The following B3GNT4 variants were observed in gnomAD, a reference collection of about 807,000 sequenced individuals.
B3GNT4 encodes the protein UDP-GlcNAc:betaGal beta-1,3-N-acetylglucosaminyltransferase 4.
B3GNT4 carries 2 observed loss-of-function variants against 2.7 expected under a neutral mutation model. The ratio of observed to expected loss-of-function variants is 0.73; its 90% CI spans 0.30 to 2.31. B3GNT4 has a LOEUF of 2.31. B3GNT4 is among the 30% of genes most tolerant of loss of function. The pLI, the probability that B3GNT4 is intolerant of heterozygous loss-of-function variation, is 0.12. For synonymous variants in B3GNT4, 280 were observed against 203.4 expected, an observed-to-expected ratio of 1.38 and a Z score of -3.20; for missense variants, 708 against 490.9, an observed-to-expected ratio of 1.44 and a Z score of -4.18.
Position 122,208,395 on chromosome 12 carries a change from G to A in B3GNT4, c.*1007G>A, listed in dbSNP as rs766996092. The stretch of plus-strand genomic sequence containing the variant: ...TGCTCAGGCCCTCAATCCTCACGCA[G>A]GTAGGCCTCCTGCTCCGACTCAGCC... On this transcript the variant is annotated 3_prime_UTR_variant, in exon 3 of 3. Transcript: ENST00000324189. The A allele has an allele frequency of 6.2e-7, 1 of 1,612,554 alleles. No homozygotes were observed. The highest frequency in any genetic ancestry group is 8.5e-7 in the Non-Finnish European group (1 of 1,180,006).
chr12:122,207,522 A>G lies in B3GNT4; in HGVS notation c.*134A>G. 2.4e-6 allele frequency: 2 copies of G among 827,140 alleles called. No individual in the cohort carries two copies. The highest frequency in any genetic ancestry group is 1.8e-6 in the Non-Finnish European group (1 of 544,354). The allele number at this position is 827,140 out of a possible 1,614,324, so 51.2% of individuals were successfully genotyped here. A position where few individuals can be genotyped will look rare whatever the true frequency, so the allele number is the denominator to read the frequency against. ...CCTCTCACCCTGTTAGCTCTGATTAAAAACACTGCAACCCAGCTAACTTGT... is the reference window on the plus strand; with the variant it reads ...CCTCTCACCCTGTTAGCTCTGATTAGAAACACTGCAACCCAGCTAACTTGT... On this transcript the variant is annotated 3_prime_UTR_variant, in exon 3 of 3. Coordinates refer to ENST00000324189, the MANE Select transcript of B3GNT4 (RefSeq NM_030765.4).
At position 122,206,788 on chromosome 12, in the gene B3GNT4, T is replaced by C. The variant is rs1257297087; in HGVS notation, c.537T>C (p.Asp179=). 6.2e-7 allele frequency: 1 copy of C among 1,608,710 alleles called. No homozygotes were observed. Among genetic ancestry groups the C allele is most frequent in the South Asian group, 1.1e-5 (1 of 90,450 alleles). Residue 179 remains aspartate, a synonymous_variant, in exon 3 of 3, where the codon GAT becomes GAC. Coordinates refer to ENST00000324189, the MANE Select transcript of B3GNT4 (RefSeq NM_030765.4). ...TGGCCTATGAGAGTAGGGAGTTTGA[T>C]GACATCCTCCAGTGGGACTTCACTG... is the stretch of plus-strand genomic sequence containing the variant. ...QLLAYESREF[D]DILQWDFTED...
rs1000342979 is a variant in B3GNT4, at chr12:122,203,752, C to T, written c.-147C>T. On this transcript the variant is annotated 5_prime_UTR_variant, in exon 1 of 3. Transcript: ENST00000324189. Reference sequence around the variant, plus strand: ...CTCCGCGCACCTGGGCGCCATCCGCCCTGGCTCCGCTGCACGAGCTCCACG... The same window carrying T: ...CTCCGCGCACCTGGGCGCCATCCGCTCTGGCTCCGCTGCACGAGCTCCACG... 1.4e-4 allele frequency: 33 copies of T among 238,402 alleles called. No homozygotes were observed. Among genetic ancestry groups the T allele is most frequent in the Admixed American group, 4.6e-4 (8 of 17,450 alleles). The allele number at this position is 238,402 out of a possible 1,614,324, so 14.8% of individuals were successfully genotyped here.
At position 122,204,680 on chromosome 12, in the gene B3GNT4, C is replaced by T; in HGVS notation, c.62C>T (p.Pro21Leu). Residue 21 changes from proline to leucine, a missense_variant, in exon 2 of 3, where the codon CCA (proline) becomes CTA (leucine). Pro to Leu is a moderately conservative substitution (Grantham distance 98). Transcript: ENST00000324189. ...AGGGGCGGTAGGAGTGGCCTTTTAC[C>T]AAAGGTCAGATTCTTTCACCGCCTC... ...QGRGGRSGLL[P>L]KGPAMLCRLC... 6.2e-7 allele frequency: 1 copy of T among 1,609,410 alleles called. No individual in the cohort carries two copies. The highest frequency in any genetic ancestry group is 8.5e-7 in the Non-Finnish European group (1 of 1,175,972).
In B3GNT4 at chr12:122,206,500, T is replaced by C; in HGVS notation, c.249T>C (p.Ser83=). 1 of 1,614,186 alleles carries C rather than the reference T, an allele frequency of 6.2e-7. No homozygotes were observed. The highest frequency in any genetic ancestry group is 8.5e-7 in the Non-Finnish European group (1 of 1,180,024). ...GGTGTCCACCCAACCACACAGTGTC[T>C]AGCGCCTCTCTGTCCCTGCCTAGCC... The part of the protein sequence containing the change: ...HSRCPPNHTV[S]SASLSLPSRH... Residue 83 remains serine (S), a synonymous_variant, in exon 3 of 3, where the codon TCT becomes TCC. Transcript: ENST00000324189.
At position 122,208,204 on chromosome 12, in the gene B3GNT4, C is replaced by T. The variant is rs753014480; in HGVS notation, c.*816C>T. On this transcript the variant is annotated 3_prime_UTR_variant, in exon 3 of 3. Coordinates refer to ENST00000324189, the MANE Select transcript of B3GNT4 (RefSeq NM_030765.4). ...CCCAAGGGCTAAGAACCAGGTCCAG[C>T]GCAAGCCTGAGACCACAGGAGGCAC... 29 of 759,842 alleles carry T rather than the reference C, an allele frequency of 3.8e-5. No individual in the cohort carries two copies. In the Middle Eastern group the frequency reaches 2.5e-3, roughly 64 times the overall value. The allele number at this position is 759,842 out of a possible 1,614,324, so 47.1% of individuals were successfully genotyped here.
At position 122,206,499 on chromosome 12, in the gene B3GNT4, C is replaced by G. The variant is rs748181675; in HGVS notation, c.248C>G (p.Ser83Cys). The G allele has an allele frequency of 1.9e-6, 3 of 1,614,202 alleles. No homozygotes were observed. The highest frequency in any genetic ancestry group is 1.7e-6 in the Non-Finnish European group (2 of 1,180,034). The stretch of plus-strand genomic sequence containing the variant: ...CGGTGTCCACCCAACCACACAGTGT[C>G]TAGCGCCTCTCTGTCCCTGCCTAGC... The part of the protein sequence containing the change: ...HSRCPPNHTV[S>C]SASLSLPSRH... The change falls in exon 3 of 3, where the codon TCT becomes TGT. Residue 83 changes from serine (S) to cysteine (C), a missense_variant. By Grantham distance (112) the Ser-to-Cys change is moderately radical. Transcript: ENST00000324189.
rs951910713 is a variant in B3GNT4 at position 122,206,307 on chromosome 12, T to C, written c.67-11T>C. 6.5e-7 allele frequency: 1 copy of C among 1,536,934 alleles called. No individual in the cohort carries two copies. Among genetic ancestry groups the C allele is most frequent in the Non-Finnish European group, 8.8e-7 (1 of 1,142,758 alleles). On this transcript the variant is annotated splice_polypyrimidine_tract_variant and intron_variant, in intron 2 of 2. Transcript: ENST00000324189. Reference sequence around the variant, plus strand: ...GGGCTGGGCCCTGCTCAGGTGGCTCTCTCCTTGCAGGGACCGGCGATGCTC... The same window carrying C: ...GGGCTGGGCCCTGCTCAGGTGGCTCCCTCCTTGCAGGGACCGGCGATGCTC...
At chr12:122,204,198 G>A (rs1041747725) in intron 1 of B3GNT4, among the ~76,000 whole-genome samples, 4 of 151,846 alleles carry the variant, frequency 2.6e-5, no homozygotes, top group African/African-American at 9.7e-5. Context: ...CCCTGCCCGC[G>A]CCAGGGCGTT....
Position 122,207,360 on chromosome 12 carries a change from G to A in B3GNT4, c.1109G>A (p.Cys370Tyr), listed in dbSNP as rs1452094467. The change falls in exon 3 of 3, where the codon TGT becomes TAT. Residue 370 changes from cysteine (C) to tyrosine (Y), a missense_variant. Transcript: ENST00000324189. Reference protein sequence around the residue: ...WALVTDEGLKCAAGPIPQR With the variant: ...WALVTDEGLKYAAGPIPQR The stretch of plus-strand genomic sequence containing the variant: ...CTGGTGACAGATGAGGGGCTCAAGT[G>A]TGCAGCTGGCCCCATACCCCAGCGC... 3 of 1,586,992 alleles carry A rather than the reference G, an allele frequency of 1.9e-6. No homozygotes were observed. Among genetic ancestry groups the A allele is most frequent in the African/African-American group, 1.3e-5 (1 of 74,254 alleles).
Position 122,207,520 on chromosome 12 carries a change from T to G in B3GNT4, c.*132T>G. On this transcript the variant is annotated 3_prime_UTR_variant, in exon 3 of 3. Coordinates refer to ENST00000324189, the MANE Select transcript of B3GNT4 (RefSeq NM_030765.4). Reference sequence around the variant, plus strand: ...CTCCTCTCACCCTGTTAGCTCTGATTAAAAACACTGCAACCCAGCTAACTT... The same window carrying G: ...CTCCTCTCACCCTGTTAGCTCTGATGAAAAACACTGCAACCCAGCTAACTT... The G allele has an allele frequency of 1.2e-6, 1 of 845,974 alleles. No homozygotes were observed. The highest frequency in any genetic ancestry group is 1.8e-6 in the Non-Finnish European group (1 of 561,302). 52.4% of individuals were successfully genotyped at this position (845,974 alleles called of 1,614,324 possible). A position where few individuals can be genotyped will look rare whatever the true frequency, so the allele number is the denominator to read the frequency against.
In B3GNT4 at chr12:122,207,535, C is replaced by T; in HGVS notation, c.*147C>T. ...TAGCTCTGATTAAAAACACTGCAAC[C>T]CAGCTAACTTGTCCAGCATATGTTG... is the stretch of plus-strand genomic sequence containing the variant. On this transcript the variant is annotated 3_prime_UTR_variant, in exon 3 of 3. Transcript: ENST00000324189. 1.3e-6 allele frequency: 1 copy of T among 767,704 alleles called. No individual in the cohort carries two copies. The highest frequency in any genetic ancestry group is 2.0e-6 in the Non-Finnish European group (1 of 489,924). 47.6% of individuals were successfully genotyped at this position (767,704 alleles called of 1,614,324 possible).
rs1034009948 is a variant in B3GNT4 at position 122,208,426 on chromosome 12, C to T, written c.*1038C>T. The T allele has an allele frequency of 6.2e-6, 10 of 1,613,816 alleles. No individual in the cohort carries two copies. The highest frequency in any genetic ancestry group is 6.8e-6 in the Non-Finnish European group (8 of 1,180,040). ...CCTCCTGCTCCGACTCAGCCCGCTC[C>T]TCCCCTTCCTCCTGTGTTTTCTGAC... On this transcript the variant is annotated 3_prime_UTR_variant, in exon 3 of 3. Transcript: ENST00000324189.
chr12:122,206,550 G>T lies in B3GNT4; in HGVS notation c.299G>T (p.Arg100Leu). 6.2e-7 allele frequency: 1 copy of T among 1,614,136 alleles called. No individual in the cohort carries two copies. Among genetic ancestry groups the T allele is most frequent in the Non-Finnish European group, 8.5e-7 (1 of 1,180,008 alleles). Residue 100 changes from arginine to leucine, a missense_variant, in exon 3 of 3, where the codon CGT becomes CTT. Coordinates refer to ENST00000324189, the MANE Select transcript of B3GNT4 (RefSeq NM_030765.4). ...CGTCACCGTCTCTTCTTGACCTATC[G>T]TCACTGCCGAAATTTCTCTATCTTG... The part of the protein sequence containing the change: ...PSRHRLFLTY[R>L]HCRNFSILLE...
chr12:122,208,853 G>A lies in B3GNT4; in HGVS notation c.*1465G>A, dbSNP rs147640675. The A allele has an allele frequency of 1.2e-4, 67 of 552,498 alleles. 1 individual carries two copies. In the East Asian group the frequency reaches 1.2e-3, roughly 10 times the overall value. The allele number at this position is 552,498 out of a possible 1,614,324, so 34.2% of individuals were successfully genotyped here. A position where few individuals can be genotyped will look rare whatever the true frequency, so the allele number is the denominator to read the frequency against. Reference sequence around the variant, plus strand: ...TCTCACAATCATCTTTATAGCTACAGAGCTTTTAGTACAGACCTTTGATTA... The same window carrying A: ...TCTCACAATCATCTTTATAGCTACAAAGCTTTTAGTACAGACCTTTGATTA... On this transcript the variant is annotated 3_prime_UTR_variant, in exon 3 of 3. Coordinates refer to ENST00000324189, the MANE Select transcript of B3GNT4 (RefSeq NM_030765.4).
rs370560034 is a variant in B3GNT4 at position 122,206,292 on chromosome 12, C to G, written c.67-26C>G. On this transcript the variant is annotated intron_variant, in intron 2 of 2. Transcript: ENST00000324189. ...GGGGACAGGGACCCGGGGCTGGGCC[C>G]TGCTCAGGTGGCTCTCTCCTTGCAG... The G allele has an allele frequency of 2.6e-6, 4 of 1,522,176 alleles. No individual in the cohort carries two copies. In the African/African-American group the frequency reaches 4.1e-5, roughly 16 times the overall value. 94.3% of individuals were successfully genotyped at this position (1,522,176 alleles called of 1,614,324 possible).
chr12:122,208,292 GCA>G lies in B3GNT4; in HGVS notation c.*907_*908del, dbSNP rs765089898. On this transcript the variant is annotated 3_prime_UTR_variant, in exon 3 of 3. Transcript: ENST00000324189. The stretch of plus-strand genomic sequence containing the variant: ...GCAGGATCTGCCGCCTCTTCTCGGT[GCA>G]CAGACAGTCATGCCAACCCTGGGCA... The G allele has an allele frequency of 2.5e-5, 38 of 1,497,574 alleles. No individual in the cohort carries two copies. Among genetic ancestry groups the G allele is most frequent in the Non-Finnish European group, 2.9e-5 (32 of 1,086,982 alleles). 92.8% of individuals were successfully genotyped at this position (1,497,574 alleles called of 1,614,324 possible).
rs371241484 is a variant in B3GNT4, at chr12:122,208,422, G to T, written c.*1034G>T. 6.2e-7 allele frequency: 1 copy of T among 1,613,466 alleles called. No individual in the cohort carries two copies. ...TAGGCCTCCTGCTCCGACTCAGCCCGCTCCTCCCCTTCCTCCTGTGTTTTC... is the reference window on the plus strand; with the variant it reads ...TAGGCCTCCTGCTCCGACTCAGCCCTCTCCTCCCCTTCCTCCTGTGTTTTC... On this transcript the variant is annotated 3_prime_UTR_variant, in exon 3 of 3. Transcript: ENST00000324189.
At position 122,206,310 on chromosome 12, in the gene B3GNT4, C is replaced by T; in HGVS notation, c.67-8C>T. The T allele has an allele frequency of 3.2e-6, 5 of 1,548,002 alleles. No individual in the cohort carries two copies. The highest frequency in any genetic ancestry group is 4.4e-6 in the Non-Finnish European group (5 of 1,147,674). ...CTGGGCCCTGCTCAGGTGGCTCTCT[C>T]CTTGCAGGGACCGGCGATGCTCTGC... is the stretch of plus-strand genomic sequence containing the variant. On this transcript the variant is annotated splice_polypyrimidine_tract_variant and splice_region_variant and intron_variant, in intron 2 of 2. Transcript: ENST00000324189.
Sources: gnomAD v4.1 joint callset for allele counts (sites outside exome capture counted in the v4.1 genomes callset) on GRCh38, gnomAD v4.1.1 for gene constraint, MANE v1.5 for transcripts, NCBI Gene and HGNC (gene_info 2026-07-23, HGNC 2026-07-21) for gene names.